PDSS2: variants seen among roughly 807,000 people sequenced by gnomAD.
PDSS2 encodes the protein decaprenyl diphosphate synthase subunit 2.
Under a neutral mutation model 44.5 loss-of-function variants are expected in PDSS2, and 31 were observed. The ratio of observed to expected loss-of-function variants is 0.70; its 90% CI spans 0.52 to 0.94. The LOEUF (loss-of-function observed/expected upper bound fraction) is 0.94. Among genes scored for constraint, PDSS2 ranks in the 40% least tolerant of loss-of-function variants. PDSS2 has a pLI of 0.00. For synonymous variants in PDSS2, 157 were observed against 180.3 expected (o/e 0.87, Z 1.03); for missense variants, 452 against 482.2 (o/e 0.94, Z 0.59).
intron 6 of PDSS2, among the ~76,000 whole-genome samples, chr6:107,200,612 C>T (rs959050096): frequency 6.6e-6 from 1 of 152,086 alleles, no homozygotes; most frequent in Admixed American, 6.6e-5. Flanking sequence ...TGCAACTTTT[C>T]CCTTTTTGTT....
At chr6:107,288,548 A>C (rs1776231616) in intron 2 of PDSS2, among the ~76,000 whole-genome samples, 1 of 152,060 alleles carries the variant, frequency 6.6e-6, no homozygotes, top group Admixed American at 6.6e-5. Context: ...TGGACGTTTA[A>C]ACAGATTTAG....
At chr6:107,404,903 T>C (rs756416582) in intron 1 of PDSS2, among the ~76,000 whole-genome samples, 7 of 152,166 alleles carry the variant, frequency 4.6e-5, no homozygotes, top group African/African-American at 1.2e-4. Context: ...TAACAAGAGA[T>C]TTAGACATCC....
chr6:107,218,822 C>G (rs1773501728), intron 4 of PDSS2, among the ~76,000 whole-genome samples: 1 of 152,144 alleles, frequency 6.6e-6, no homozygotes, highest in South Asian at 2.1e-4. Flanking sequence ...CTTTGGGAGG[C>G]CAAGGCGGCC....
At chr6:107,334,526 C>CGTT (rs67310767) in intron 1 of PDSS2, among the ~76,000 whole-genome samples, 194 bp from the exon 2 acceptor site, 48 of 149,244 alleles carry the variant, frequency 3.2e-4, no homozygotes, top group African/African-American at 1.0e-3. Context: ...TCTACGGCTG[C>CGTT]GTTGTTGTTG....
intron 4 of PDSS2, among the ~76,000 whole-genome samples, chr6:107,234,523 A>ATT (rs11313991): frequency 2.7e-4 from 40 of 147,368 alleles, no homozygotes; most frequent in Admixed American, 8.8e-4. Context: ...ATCTTACTAG[A>ATT]TTTTTTTTTT....
intron 1 of PDSS2, among the ~76,000 whole-genome samples, chr6:107,336,957 G>A (rs962431989): frequency 2.1e-5 from 3 of 142,540 alleles, no homozygotes; most frequent in Non-Finnish European, 4.5e-5. Flanking sequence ...AGACAAGTCT[G>A]ACCAAATCAC....
At chr6:107,172,242 A>G (rs189399784) in intron 7 of PDSS2, among the ~76,000 whole-genome samples, 12 of 152,374 alleles carry the variant, frequency 7.9e-5, no homozygotes, top group Admixed American at 7.8e-4. Flanking sequence ...CCCTCTTGAG[A>G]AAATCACTGT....
intron 4 of PDSS2, among the ~76,000 whole-genome samples, chr6:107,222,498 T>C (rs1773641683): frequency 2.6e-5 from 4 of 151,600 alleles, no homozygotes; most frequent in Admixed American, 1.3e-4. Context: ...CTACTAAAAA[T>C]ACAAAAAATT....
chr6:107,242,694 C>T (rs543070165), intron 4 of PDSS2, among the ~76,000 whole-genome samples: 57 of 152,188 alleles, frequency 3.7e-4, no homozygotes, highest in Non-Finnish European at 6.2e-4. Context: ...GGCTACCATG[C>T]CCAGTTATTT....
intron 2 of PDSS2, 24 bp from the exon 3 acceptor site, chr6:107,274,251 T>G: frequency 5.8e-6 from 9 of 1,558,532 alleles, no homozygotes; most frequent in Non-Finnish European, 8.0e-6. Context: ...GTAAGATTTG[T>G]TAGAATATCA....
intron 1 of PDSS2, among the ~76,000 whole-genome samples, chr6:107,334,945 A>T (rs1383716220): frequency 2.0e-5 from 3 of 151,914 alleles, no homozygotes; most frequent in Non-Finnish European, 4.4e-5. Flanking sequence ...TGAGCCTAGG[A>T]GCTTGAGACC....
intron 1 of PDSS2, among the ~76,000 whole-genome samples, chr6:107,404,916 A>C (rs973437470): frequency 6.6e-6 from 1 of 152,222 alleles, no homozygotes; most frequent in African/African-American, 2.4e-5. Context: ...AGACATCCAG[A>C]TATAAGAGGC....
intron 2 of PDSS2, among the ~76,000 whole-genome samples, chr6:107,291,162 G>A (rs1776333098): frequency 6.6e-6 from 1 of 152,062 alleles, no homozygotes; most frequent in Non-Finnish European, 1.5e-5. Context: ...AAAGTCCTAA[G>A]AGTCATTCAA....
At chr6:107,229,661 G>T (rs974268768) in intron 4 of PDSS2, 1 of 152,100 alleles carries the variant, frequency 6.6e-6, no homozygotes, top group African/African-American at 2.4e-5. Context: ...ATCTTCCATT[G>T]TTATTACTCT....
At chr6:107,406,105 T>G (rs2114624096) in intron 1 of PDSS2, among the ~76,000 whole-genome samples, 1 of 152,304 alleles carries the variant, frequency 6.6e-6, no homozygotes, top group East Asian at 1.9e-4. Context: ...CTATCTCAGC[T>G]TTATCAATTT....
chr6:107,230,783 G>A (rs1445401284), intron 4 of PDSS2, among the ~76,000 whole-genome samples: 1 of 152,134 alleles, frequency 6.6e-6, no homozygotes, highest in Non-Finnish European at 1.5e-5. Flanking sequence ...CCCATAATGG[G>A]AGGACATTAC....
chr6:107,390,370 C>T (rs552295606), intron 1 of PDSS2, among the ~76,000 whole-genome samples: 121 of 152,056 alleles, frequency 8.0e-4, no homozygotes, highest in Non-Finnish European at 1.5e-3. Flanking sequence ...AAAACCATAA[C>T]CCCAGTCTAC....
chr6:107,158,992 G>C (rs1177745237), intron 7 of PDSS2, among the ~76,000 whole-genome samples: 1 of 152,110 alleles, frequency 6.6e-6, no homozygotes, highest in African/African-American at 2.4e-5. Context: ...GCCTCCCAAA[G>C]TGCTGAGATT....
At chr6:107,401,247 C>T (rs2114589148) in intron 1 of PDSS2, among the ~76,000 whole-genome samples, 1 of 152,272 alleles carries the variant, frequency 6.6e-6, no homozygotes, top group South Asian at 2.1e-4. Flanking sequence ...GACCTTGAGC[C>T]TACTCTCCCT....
Sources: allele counts gnomAD v4.1 joint callset (sites outside exome capture counted in the v4.1 genomes callset), GRCh38; gene constraint gnomAD v4.1.1; transcripts MANE v1.5; gene names NCBI Gene and HGNC (gene_info 2026-07-23, HGNC 2026-07-21).